The following CCSAP variants were observed in gnomAD, a reference collection of about 807,000 sequenced individuals.
The protein encoded by CCSAP is centriole, cilia and spindle-associated protein.
Under a neutral mutation model 25.9 loss-of-function variants are expected in CCSAP, and 17 were observed. That is an observed-to-expected ratio of 0.66 (90% CI 0.45 to 0.99). The LOEUF (loss-of-function observed/expected upper bound fraction) is 0.99, where lower values mean the gene tolerates loss of function less well. CCSAP is among the 50% of genes least tolerant of loss of function. CCSAP has a pLI of 0.00. For synonymous variants in CCSAP, 169 were observed against 157.1 expected, an observed-to-expected ratio of 1.08 and a Z score of -0.57; for missense variants, 339 against 367.8, an observed-to-expected ratio of 0.92 and a Z score of 0.64.
chr1:229,335,461 T>C (rs1426799968), intron 2 of CCSAP, among the ~76,000 whole-genome samples: 5 of 152,194 alleles, frequency 3.3e-5, no homozygotes, highest in Admixed American at 3.3e-4. Context: ...ATGGACGTGC[T>C]CTGTTGAGAG....
Position 229,322,948 on chromosome 1 carries a change from C to T in CCSAP, c.*2287G>A, listed in dbSNP as rs2102689303. 6.6e-6 allele frequency: 1 copy of T among 151,998 alleles called. No homozygotes were observed. The allele number at this position is 151,998 out of a possible 1,614,324, so 9.4% of individuals were successfully genotyped here. On this transcript the variant is annotated 3_prime_UTR_variant, in exon 4 of 4. Coordinates refer to ENST00000284617, the MANE Select transcript of CCSAP (RefSeq NM_145257.5). ...CTGTCTCACTGTCTTGCAGGTTGTC[C>T]CAAGAATTAGGAACATGATTACAAC...
chr1:229,325,303 T>G lies in CCSAP; in HGVS notation c.745A>C (p.Met249Leu). The G allele has an allele frequency of 6.2e-7, 1 of 1,614,228 alleles. No individual in the cohort carries two copies. The highest frequency in any genetic ancestry group is 8.5e-7 in the Non-Finnish European group (1 of 1,180,038). Reference sequence around the variant, plus strand: ...GGGTTCTCTGAGGAGGAAGCCTTCATCTTTCTGTTCTTCTCCACATCCACA... The same window carrying G: ...GGGTTCTCTGAGGAGGAAGCCTTCAGCTTTCTGTTCTTCTCCACATCCACA... ...HSVDVEKNRK[M>L]KASSSENPWM... The change falls in exon 4 of 4, where the codon ATG becomes CTG. Residue 249 changes from methionine (M) to leucine (L), a missense_variant. By Grantham distance (15) the Met-to-Leu change is conservative. Transcript: ENST00000284617.
Position 229,342,406 on chromosome 1 carries a change from C to A in CCSAP, c.60G>T (p.Trp20Cys). The change falls in exon 2 of 4, where the codon TGG becomes TGT. Residue 20 changes from tryptophan (W) to cysteine (C), a missense_variant. Trp to Cys is a radical substitution (Grantham distance 215). Transcript: ENST00000284617. This position sits in a 1 kb window ranked among gnomAD's most constrained non-coding sequence, Gnocchi z 7.5. ...CGCGGTAGCACGGCCCGTACTCCTC[C>A]CAGCGCGGCTCCTGGTAGCGCTTCA... ...EYMKRYQEPR[W>C]EEYGPCYREL... The A allele has an allele frequency of 6.8e-7, 1 of 1,465,590 alleles. No individual in the cohort carries two copies. The highest frequency in any genetic ancestry group is 9.1e-7 in the Non-Finnish European group (1 of 1,104,088). The allele number at this position is 1,465,590 out of a possible 1,614,324, so 90.8% of individuals were successfully genotyped here.
intron 2 of CCSAP, among the ~76,000 whole-genome samples, chr1:229,331,471 GTAT>G (rs1278875572): frequency 6.6e-6 from 1 of 152,078 alleles, no homozygotes; most frequent in Non-Finnish European, 1.5e-5. Flanking sequence ...TATAAGTGTG[GTAT>G]TATATACATG....
chr1:229,327,162 G>A, intron 2 of CCSAP, 156 bp from the exon 3 acceptor site: 1 of 607,452 alleles, frequency 1.6e-6, no homozygotes, highest in Non-Finnish European at 2.7e-6. Flanking sequence ...ACAGGAACAA[G>A]TTAGCATAAT....
In CCSAP at chr1:229,325,127, A is replaced by G. The variant is rs1226750809; in HGVS notation, c.*108T>C. On this transcript the variant is annotated 3_prime_UTR_variant, in exon 4 of 4. Coordinates refer to ENST00000284617, the MANE Select transcript of CCSAP (RefSeq NM_145257.5). ...AATTCCCTAAAAAAAACCTTGCATA[A>G]TCAGTTGGTTTCTTAAACCTGTGTC... 8.9e-7 allele frequency: 1 copy of G among 1,120,580 alleles called. No individual in the cohort carries two copies. The highest frequency in any genetic ancestry group is 1.6e-5 in the African/African-American group (1 of 64,212). The allele number at this position is 1,120,580 out of a possible 1,614,324, so 69.4% of individuals were successfully genotyped here. A position where few individuals can be genotyped will look rare whatever the true frequency, so the allele number is the denominator to read the frequency against.
At chr1:229,332,419 TGG>T (rs2102695056) in intron 2 of CCSAP, among the ~76,000 whole-genome samples, 1 of 152,328 alleles carries the variant, frequency 6.6e-6, no homozygotes, top group Non-Finnish European at 1.5e-5. Flanking sequence ...CCACATATTT[TGG>T]GGCTATTTCA....
chr1:229,332,428 T>G (rs1411815676), intron 2 of CCSAP, among the ~76,000 whole-genome samples: 1 of 152,218 alleles, frequency 6.6e-6, no homozygotes, highest in Non-Finnish European at 1.5e-5. Context: ...TTGGGGCTAT[T>G]TCAGAAGTCT....
chr1:229,341,292 C>CT (rs770126813), intron 2 of CCSAP, among the ~76,000 whole-genome samples: 12 of 151,732 alleles, frequency 7.9e-5, no homozygotes, highest in Non-Finnish European at 1.3e-4. Flanking sequence ...GACTGAATGT[C>CT]TAACAGGCTC....
chr1:229,329,010 G>GT, intron 2 of CCSAP, among the ~76,000 whole-genome samples: 1 of 152,316 alleles, frequency 6.6e-6, no homozygotes, highest in South Asian at 2.1e-4. Context: ...CTGCTCAAAC[G>GT]TTTATCTGAG....
intron 2 of CCSAP, among the ~76,000 whole-genome samples, chr1:229,333,158 C>A (rs573417498): frequency 2.0e-5 from 3 of 152,174 alleles, no homozygotes; most frequent in Non-Finnish European, 4.4e-5. Flanking sequence ...CTAGGCCGGG[C>A]GCGGTGGCTC....
rs747732001 is a variant in CCSAP, at chr1:229,342,286, G to C, written c.180C>G (p.Asp60Glu). The change falls in exon 2 of 4, where the codon GAC becomes GAG. Residue 60 changes from aspartate (D) to glutamate (E), a missense_variant. Physicochemically the swap from Asp to Glu is conservative, Grantham distance 45 (BLOSUM62 2). Transcript: ENST00000284617. The surrounding 1 kb of genome is among the most constrained non-coding windows in gnomAD (Gnocchi z 7.5). ...CGCCCGACGACTCTGACGACGCCGA[G>C]TCCTCCGAGGAGCCGGCCGGGCCCC... ...DDWGPAGSSE[D>E]SASSESSGAG... 1.6e-5 allele frequency: 22 copies of C among 1,382,910 alleles called. No homozygotes were observed. The highest frequency in any genetic ancestry group is 5.2e-4 in the Middle Eastern group (2 of 3,856). The allele number at this position is 1,382,910 out of a possible 1,614,324, so 85.7% of individuals were successfully genotyped here.
intron 2 of CCSAP, among the ~76,000 whole-genome samples, chr1:229,339,109 A>G (rs76944661): frequency 1.4e-5 from 2 of 146,064 alleles, no homozygotes; most frequent in South Asian, 4.3e-4. Flanking sequence ...AAAAAAAAAA[A>G]CAGAAATAAG....
At chr1:229,338,970 G>A (rs1473193118) in intron 2 of CCSAP, among the ~76,000 whole-genome samples, 1 of 151,604 alleles carries the variant, frequency 6.6e-6, no homozygotes, top group African/African-American at 2.4e-5. Context: ...AGATACAGCT[G>A]AGAGTATCAC....
chr1:229,339,076 T>A, intron 2 of CCSAP, among the ~76,000 whole-genome samples: 1 of 136,558 alleles, frequency 7.3e-6, no homozygotes, highest in Non-Finnish European at 1.6e-5. Context: ...ACTAAGGACT[T>A]CAGAAAAAAA....
rs1312731132 is a variant in CCSAP, at chr1:229,342,998, C to A, written c.-135G>T. 6.6e-6 allele frequency: 1 copy of A among 152,350 alleles called. No individual in the cohort carries two copies. The highest frequency in any genetic ancestry group is 2.4e-5 in the African/African-American group (1 of 41,456). 9.4% of individuals were successfully genotyped at this position (152,350 alleles called of 1,614,324 possible). A position where few individuals can be genotyped will look rare whatever the true frequency, so the allele number is the denominator to read the frequency against. On this transcript the variant is annotated 5_prime_UTR_variant, in exon 1 of 4. Coordinates refer to ENST00000284617, the MANE Select transcript of CCSAP (RefSeq NM_145257.5). The surrounding 1 kb of genome is among the most constrained non-coding windows in gnomAD (Gnocchi z 7.5). The stretch of plus-strand genomic sequence containing the variant: ...AGCTAAAGCGCAGCTCGCTCTCCCG[C>A]GCGCTTTCCTCCTGAGCAAGATGTC...
chr1:229,328,131 G>A (rs1312361341), intron 2 of CCSAP, among the ~76,000 whole-genome samples: 5 of 152,092 alleles, frequency 3.3e-5, no homozygotes, highest in African/African-American at 7.2e-5. Flanking sequence ...AAATCAGTAC[G>A]ATTCAGTATA....
At chr1:229,326,713 A>C (rs1476214748) in intron 3 of CCSAP, 25 bp downstream of exon 3, 2 of 1,611,618 alleles carry the variant, frequency 1.2e-6, no homozygotes, top group East Asian at 2.2e-5. Flanking sequence ...AAGGGAACAC[A>C]GAACCACAAG....
intron 2 of CCSAP, among the ~76,000 whole-genome samples, chr1:229,341,771 G>A (rs770997686): frequency 3.3e-5 from 5 of 152,050 alleles, no homozygotes; most frequent in African/African-American, 1.2e-4. Context: ...ATAAGCAGAT[G>A]GGACTCAGTG....
Sources: gnomAD v4.1 joint callset for allele counts (sites outside exome capture counted in the v4.1 genomes callset) on GRCh38, gnomAD v4.1.1 for gene constraint, Gnocchi (gnomAD v3.1) non-coding constraint, MANE v1.5 for transcripts, NCBI Gene and HGNC (gene_info 2026-07-23, HGNC 2026-07-21) for gene names.